The following TNNC1 variants were observed in gnomAD, a reference collection of about 807,000 sequenced individuals.
TNNC1 encodes the protein troponin C, slow skeletal and cardiac muscles.
Under a neutral mutation model 19.6 loss-of-function variants are expected in TNNC1, and 10 were observed. The ratio of observed to expected loss-of-function variants is 0.51; its 90% CI spans 0.31 to 0.87. The LOEUF is 0.87. Among genes scored for constraint, TNNC1 ranks in the 40% least tolerant of loss-of-function variants. The pLI is 0.04. For synonymous variants in TNNC1, 85 were observed against 80.1 expected (o/e 1.06, Z -0.33); for missense variants, 115 against 219.8 (o/e 0.52, Z 3.02).
rs1397117410 is a variant in TNNC1 at position 52,451,507 on chromosome 3, TC to T, written c.337del (p.Asp113ThrfsTer5). ...MFDKNADGYIDLDELKIMLQA... is the reference protein window; with the variant it reads ...MFDKNADGYIXLDELKIMLQA... ...CAGCATTATCTTCAGCTCATCCAGG[TC>T]GATGTAGCCATCAGCATTTCTGTGG... On this transcript the variant is annotated frameshift_variant, in exon 5 of 6. Coordinates refer to ENST00000232975, the MANE Select transcript of TNNC1 (RefSeq NM_003280.3). LOFTEE classifies it high-confidence loss of function. This position sits in a 1 kb window ranked among gnomAD's most constrained non-coding sequence, Gnocchi z 4.8. 1.9e-6 allele frequency: 3 copies of T among 1,614,100 alleles called. No homozygotes were observed.
Position 52,451,555 on chromosome 3 carries a change from T to C in TNNC1, c.318-28A>G. 6.2e-7 allele frequency: 1 copy of C among 1,613,752 alleles called. No individual in the cohort carries two copies. The highest frequency in any genetic ancestry group is 8.5e-7 in the Non-Finnish European group (1 of 1,179,932). On this transcript the variant is annotated intron_variant, in intron 4 of 5. Coordinates refer to ENST00000232975, the MANE Select transcript of TNNC1 (RefSeq NM_003280.3). The surrounding 1 kb of genome is among the most constrained non-coding windows in gnomAD (Gnocchi z 4.8). ...GTGGGGAGGGGGCTCAGGGTAGGGC[T>C]GTGGGGAGGGCATGAGGCAGCCCCA... is the stretch of plus-strand genomic sequence containing the variant.
chr3:52,453,189 GGGGACA>G (rs1706355342), intron 1 of TNNC1, among the ~76,000 whole-genome samples: 1 of 152,206 alleles, frequency 6.6e-6, no homozygotes, highest in Non-Finnish European at 1.5e-5. Context: ...GGGTTCCCCT[GGGGACA>G]GCTGGCCATG....
rs1706347468 is a variant in TNNC1 at position 52,452,729 on chromosome 3, C to T, written c.25-216G>A. ...GCTCAGGGCCAGGGTGACAGGTGGG[C>T]ACCCCCTTCAGGACCAAGGTGACCC... is the stretch of plus-strand genomic sequence containing the variant. On this transcript the variant is annotated intron_variant, in intron 1 of 5. Transcript: ENST00000232975. The surrounding 1 kb of genome is among the most constrained non-coding windows in gnomAD (Gnocchi z 5.2). 2 of 628,212 alleles carry T rather than the reference C, an allele frequency of 3.2e-6. No homozygotes were observed. Among genetic ancestry groups the T allele is most frequent in the African/African-American group, 1.8e-5 (1 of 55,128 alleles). 38.9% of individuals were successfully genotyped at this position (628,212 alleles called of 1,614,324 possible). A position where few individuals can be genotyped will look rare whatever the true frequency, so the allele number is the denominator to read the frequency against.
In TNNC1 at chr3:52,452,401, G is replaced by C. The variant is rs1007743848; in HGVS notation, c.55+82C>G. ...AAGAGGGACCAAGCCTCTGGTCTCT[G>C]GCCTGGGGTCCTCTTCTGATAAGGG... On this transcript the variant is annotated intron_variant, in intron 2 of 5. Transcript: ENST00000232975. The surrounding 1 kb of genome is among the most constrained non-coding windows in gnomAD (Gnocchi z 5.2). The C allele has an allele frequency of 5.0e-6, 8 of 1,588,598 alleles. No homozygotes were observed. Among genetic ancestry groups the C allele is most frequent in the Non-Finnish European group, 6.9e-6 (8 of 1,164,326 alleles).
Position 52,454,039 on chromosome 3 carries a change from G to C in TNNC1, c.-24C>G. 6.4e-7 allele frequency: 1 copy of C among 1,568,538 alleles called. No individual in the cohort carries two copies. Among genetic ancestry groups the C allele is most frequent in the Non-Finnish European group, 8.7e-7 (1 of 1,155,512 alleles). ...ATGCTGGCGGCTCACAGGACAGCTT[G>C]CTGGGGTTGCCAGCCGGCCCTTGAC... On this transcript the variant is annotated 5_prime_UTR_variant, in exon 1 of 6. Transcript: ENST00000232975.
rs1706334133 is a variant in TNNC1 at position 52,451,928 on chromosome 3, C to T, written c.203-70G>A. The stretch of plus-strand genomic sequence containing the variant: ...TGCAGGCAGCACCTTCGACACGAAC[C>T]CCCATGTTCTCACCGCATCCTCACA... On this transcript the variant is annotated intron_variant, in intron 3 of 5. Transcript: ENST00000232975. The surrounding 1 kb of genome is among the most constrained non-coding windows in gnomAD (Gnocchi z 4.8). 6.5e-7 allele frequency: 1 copy of T among 1,543,530 alleles called. No individual in the cohort carries two copies. The highest frequency in any genetic ancestry group is 1.7e-5 in the Admixed American group (1 of 59,886).
At position 52,452,342 on chromosome 3, in the gene TNNC1, C is replaced by T; in HGVS notation, c.56-90G>A. The T allele has an allele frequency of 6.3e-7, 1 of 1,596,358 alleles. No individual in the cohort carries two copies. The highest frequency in any genetic ancestry group is 2.2e-5 in the East Asian group (1 of 44,694). The stretch of plus-strand genomic sequence containing the variant: ...ACCCTGGGGCCACCTGCCAACCTGC[C>T]CACCTCCCTCGGAGACCTCTCTGAG... On this transcript the variant is annotated intron_variant, in intron 2 of 5. Coordinates refer to ENST00000232975, the MANE Select transcript of TNNC1 (RefSeq NM_003280.3). This position sits in a 1 kb window ranked among gnomAD's most constrained non-coding sequence, Gnocchi z 5.2.
rs141505676 is a variant in TNNC1, at chr3:52,451,851, G to A, written c.210C>T (p.Gly70=). Reference sequence around the variant, plus strand: ...CCAGGAACTCATCAAAGTCCACCGTGCCGCTGCCTGGGGGTGGGCAGCATG... The same window carrying A: ...CCAGGAACTCATCAAAGTCCACCGTACCGCTGCCTGGGGGTGGGCAGCATG... The part of the protein sequence containing the change: ...MIDEVDEDGS[G]TVDFDEFLVM... The change falls in exon 4 of 6, where the codon GGC becomes GGT. Residue 70 remains glycine (G), a synonymous_variant. Transcript: ENST00000232975. The surrounding 1 kb of genome is among the most constrained non-coding windows in gnomAD (Gnocchi z 4.8). 311 of 1,613,860 alleles carry A rather than the reference G, an allele frequency of 1.9e-4. No individual in the cohort carries two copies. Among genetic ancestry groups the A allele is most frequent in the Non-Finnish European group, 2.4e-4 (289 of 1,179,962 alleles).
Position 52,452,143 on chromosome 3 carries a change from C to G in TNNC1, c.165G>C (p.Glu55Asp), listed in dbSNP as rs1706338992. Residue 55 changes from glutamate to aspartate, a missense_variant, in exon 3 of 6, where the codon GAG (glutamate) becomes GAC (aspartate). By Grantham distance (45) the Glu-to-Asp change is conservative (BLOSUM62 2). Coordinates refer to ENST00000232975, the MANE Select transcript of TNNC1 (RefSeq NM_003280.3). This position sits in a 1 kb window ranked among gnomAD's most constrained non-coding sequence, Gnocchi z 5.2. Reference protein sequence around the residue: ...MRMLGQNPTPEELQEMIDEVD... With the variant: ...MRMLGQNPTPDELQEMIDEVD... ...CCTCATCGATCATCTCCTGCAGCTC[C>G]TCAGGGGTGGGGTTCTGGCCCAGCA... is the stretch of plus-strand genomic sequence containing the variant. The G allele has an allele frequency of 6.2e-7, 1 of 1,614,040 alleles. No homozygotes were observed. The highest frequency in any genetic ancestry group is 2.2e-5 in the East Asian group (1 of 44,876).
At chr3:52,453,432 T>C (rs1363051613) in intron 1 of TNNC1, among the ~76,000 whole-genome samples, 2 of 152,246 alleles carry the variant, frequency 1.3e-5, no homozygotes, top group Admixed American at 1.3e-4. Flanking sequence ...TTCTCCCTCA[T>C]GTCCAGAACT....
chr3:52,451,184 T>C lies in TNNC1; in HGVS notation c.*91A>G. On this transcript the variant is annotated 3_prime_UTR_variant, in exon 6 of 6. Coordinates refer to ENST00000232975, the MANE Select transcript of TNNC1 (RefSeq NM_003280.3). The surrounding 1 kb of genome is among the most constrained non-coding windows in gnomAD (Gnocchi z 4.8). ...TTTGGGGTTGAGGACATGGCCAGGCTCAGGTCCTGGGACCCCGACCCCCTC... is the reference window on the plus strand; with the variant it reads ...TTTGGGGTTGAGGACATGGCCAGGCCCAGGTCCTGGGACCCCGACCCCCTC... 13 of 1,481,014 alleles carry C rather than the reference T, an allele frequency of 8.8e-6. No homozygotes were observed. Among genetic ancestry groups the C allele is most frequent in the Non-Finnish European group, 1.2e-5 (13 of 1,062,192 alleles). 91.7% of individuals were successfully genotyped at this position (1,481,014 alleles called of 1,614,324 possible).
At chr3:52,453,256 G>A (rs535124372) in intron 1 of TNNC1, among the ~76,000 whole-genome samples, 145 of 152,324 alleles carry the variant, frequency 9.5e-4, no homozygotes, top group African/African-American at 3.2e-3. Flanking sequence ...ACCCAGGATA[G>A]AATAGCATCT....
chr3:52,452,752 C>A lies in TNNC1; in HGVS notation c.25-239G>T. On this transcript the variant is annotated intron_variant, in intron 1 of 5. Transcript: ENST00000232975. The surrounding 1 kb of genome is among the most constrained non-coding windows in gnomAD (Gnocchi z 5.2). ...GGCACCCCCTTCAGGACCAAGGTGA[C>A]CCTCAGTAACAATAGTCAGTGACCA... 1 of 597,702 alleles carries A rather than the reference C, an allele frequency of 1.7e-6. No individual in the cohort carries two copies. The highest frequency in any genetic ancestry group is 2.8e-5 in the Admixed American group (1 of 35,470). The allele number at this position is 597,702 out of a possible 1,614,324, so 37.0% of individuals were successfully genotyped here.
rs767111898 is a variant in TNNC1, at chr3:52,451,736, G to T, written c.317+8C>A. ...GTCAGGGTCAGAGGTCAAGGGTCAC[G>T]TGCTCACTTGTCAAACATGCGGAAG... On this transcript the variant is annotated splice_region_variant and intron_variant, in intron 4 of 5. Transcript: ENST00000232975. The surrounding 1 kb of genome is among the most constrained non-coding windows in gnomAD (Gnocchi z 4.8). The T allele has an allele frequency of 6.2e-7, 1 of 1,612,690 alleles. No homozygotes were observed. Among genetic ancestry groups the T allele is most frequent in the African/African-American group, 1.3e-5 (1 of 74,996 alleles).
rs527986746 is a variant in TNNC1 at position 52,451,157 on chromosome 3, G to A, written c.*118C>T. 3 of 1,184,756 alleles carry A rather than the reference G, an allele frequency of 2.5e-6. No individual in the cohort carries two copies. Among genetic ancestry groups the A allele is most frequent in the South Asian group, 2.5e-5 (2 of 79,452 alleles). 73.4% of individuals were successfully genotyped at this position (1,184,756 alleles called of 1,614,324 possible). A position where few individuals can be genotyped will look rare whatever the true frequency, so the allele number is the denominator to read the frequency against. On this transcript the variant is annotated 3_prime_UTR_variant, in exon 6 of 6. Transcript: ENST00000232975. The surrounding 1 kb of genome is among the most constrained non-coding windows in gnomAD (Gnocchi z 4.8). ...GACAGATCTGGGGAGGGAGTCGGGG[G>A]ATTTGGGGTTGAGGACATGGCCAGG... is the stretch of plus-strand genomic sequence containing the variant.
intron 1 of TNNC1, among the ~76,000 whole-genome samples, chr3:52,453,014 C>T (rs114152258): frequency 2.2e-3 from 339 of 152,340 alleles, no homozygotes; most frequent in Admixed American, 3.6e-3. Flanking sequence ...CTGCTAGTGC[C>T]GCCTCAGAAG....
intron 1 of TNNC1, 124 bp downstream of exon 1, chr3:52,453,868 T>C (rs1402408811): frequency 2.5e-6 from 3 of 1,177,774 alleles, no homozygotes; most frequent in Non-Finnish European, 3.7e-6. Flanking sequence ...GGGCCTGGGT[T>C]GAAGGCACGT....
rs1213250051 is a variant in TNNC1 at position 52,452,358 on chromosome 3, CCTCT to C, written c.56-110_56-107del. 5 of 1,585,578 alleles carry C rather than the reference CCTCT, an allele frequency of 3.2e-6. No individual in the cohort carries two copies. The highest frequency in any genetic ancestry group is 1.7e-5 in the Admixed American group (1 of 58,150). On this transcript the variant is annotated intron_variant, in intron 2 of 5. Coordinates refer to ENST00000232975, the MANE Select transcript of TNNC1 (RefSeq NM_003280.3). The surrounding 1 kb of genome is among the most constrained non-coding windows in gnomAD (Gnocchi z 5.2). ...CCAACCTGCCCACCTCCCTCGGAGA[CCTCT>C]CTGAGGGCAGAGCAAGAGGGACCAA...
chr3:52,451,934 G>A lies in TNNC1; in HGVS notation c.203-76C>T. The A allele has an allele frequency of 6.5e-7, 1 of 1,536,100 alleles. No homozygotes were observed. Among genetic ancestry groups the A allele is most frequent in the Non-Finnish European group, 9.0e-7 (1 of 1,111,568 alleles). ...CAGCACCTTCGACACGAACCCCCAT[G>A]TTCTCACCGCATCCTCACACCAAAC... On this transcript the variant is annotated intron_variant, in intron 3 of 5. Transcript: ENST00000232975. This position sits in a 1 kb window ranked among gnomAD's most constrained non-coding sequence, Gnocchi z 4.8.
Sources: gnomAD v4.1 joint callset for allele counts (sites outside exome capture counted in the v4.1 genomes callset) on GRCh38, gnomAD v4.1.1 for gene constraint, Gnocchi (gnomAD v3.1) non-coding constraint, MANE v1.5 for transcripts, NCBI Gene and HGNC (gene_info 2026-07-23, HGNC 2026-07-21) for gene names.